Variants in MAP6 observed in about 807,000 individuals in gnomAD.
MAP6 encodes microtubule associated protein 6.
MAP6 carries 26 observed loss-of-function variants against 42.4 expected under a neutral mutation model. The ratio of observed to expected loss-of-function variants is 0.61; its 90% CI spans 0.45 to 0.85. The LOEUF is 0.85. Among genes scored for constraint, MAP6 ranks in the 40% least tolerant of loss-of-function variants. The probability of loss-of-function intolerance (pLI) is 0.00; values close to 1 mark genes in which losing one functional copy is unlikely to be tolerated. For missense variants in MAP6, 966 were observed against 1,099.0 expected (o/e 0.88, Z 1.71); for synonymous variants, 418 against 443.8 (o/e 0.94, Z 0.73).
chr11:75,601,300 G>A (rs1320382522), intron 3 of MAP6, among the ~76,000 whole-genome samples: 1 of 152,092 alleles, frequency 6.6e-6, no homozygotes, highest in Non-Finnish European at 1.5e-5. Flanking sequence ...CTTCTCGCCT[G>A]TCTTTCTTAC....
chr11:75,658,400 C>T (rs556569415), intron 1 of MAP6, among the ~76,000 whole-genome samples: 2 of 100,388 alleles, frequency 2.0e-5, no homozygotes, highest in East Asian at 2.9e-4. Context: ...TTCTCCACCC[C>T]CCCCGCCCCA....
intron 3 of MAP6, among the ~76,000 whole-genome samples, chr11:75,592,598 T>C (rs1942501139): frequency 1.3e-5 from 2 of 150,688 alleles, no homozygotes; most frequent in Admixed American, 1.3e-4. Flanking sequence ...TGCTATGCCA[T>C]CATCTACCTG....
At chr11:75,607,732 G>A (rs1590763878) in intron 2 of MAP6, 2 of 945,228 alleles carry the variant, frequency 2.1e-6, no homozygotes, top group Non-Finnish European at 2.5e-6. Flanking sequence ...AGCCGGGCAT[G>A]GGGGCCTACA....
chr11:75,600,099 A>G (rs1942640864), intron 3 of MAP6, among the ~76,000 whole-genome samples: 1 of 152,226 alleles, frequency 6.6e-6, no homozygotes, highest in Non-Finnish European at 1.5e-5. Flanking sequence ...AGCTAAGTAT[A>G]TATCTGTCAG....
chr11:75,606,941 A>G (rs762356232), intron 2 of MAP6, among the ~76,000 whole-genome samples: 1 of 151,998 alleles, frequency 6.6e-6, no homozygotes, highest in Non-Finnish European at 1.5e-5. Flanking sequence ...AGTTTCCCTC[A>G]TTTTCCCTCC....
At chr11:75,599,783 C>T (rs929511290) in intron 3 of MAP6, among the ~76,000 whole-genome samples, 2 of 152,200 alleles carry the variant, frequency 1.3e-5, no homozygotes, top group East Asian at 3.9e-4. Flanking sequence ...AGACAGCAGG[C>T]TATGGAGCTG....
chr11:75,662,850 A>G (rs914752731), intron 1 of MAP6, among the ~76,000 whole-genome samples: 8 of 152,164 alleles, frequency 5.3e-5, no homozygotes, highest in African/African-American at 1.9e-4. Context: ...TGTGTAGCCA[A>G]GGTTGAGGAC....
intron 1 of MAP6, among the ~76,000 whole-genome samples, chr11:75,649,268 A>G (rs1418712550): frequency 2.6e-5 from 4 of 152,220 alleles, no homozygotes; most frequent in Non-Finnish European, 5.9e-5. Flanking sequence ...TTTTCTCAAG[A>G]TATGTGATGT....
chr11:75,613,475 C>T (rs903030885), intron 1 of MAP6, among the ~76,000 whole-genome samples: 6 of 152,122 alleles, frequency 3.9e-5, no homozygotes, highest in East Asian at 1.9e-4. Flanking sequence ...GTCCCATATC[C>T]GTGAGTTTCT....
At chr11:75,641,299 T>C (rs1359893478) in intron 1 of MAP6, among the ~76,000 whole-genome samples, 12 of 120,684 alleles carry the variant, frequency 9.9e-5, no homozygotes, top group African/African-American at 3.9e-4. Context: ...ACACATGGAC[T>C]CAGGAAGGGG....
intron 2 of MAP6, chr11:75,607,784 A>G (rs1942807340): frequency 3.9e-6 from 2 of 518,666 alleles, no homozygotes; most frequent in South Asian, 1.7e-4. Context: ...CATCTATTTT[A>G]AGACAAGGGG....
rs777197672 is a variant in MAP6, at chr11:75,587,062, A to G, written c.2439T>C (p.Pro813=). Residue 813 remains proline (P), a synonymous_variant, in exon 4 of 4, where the codon CCT becomes CCC. Transcript: ENST00000304771. ...TTGGTGTGTCAAGGGGTGAGTGTCA[A>G]GGGGAGCTCTCAATGTATTCCGTAT... ...APHTEYIESS[P] 6.3e-7 allele frequency: 1 copy of G among 1,579,854 alleles called. No individual in the cohort carries two copies. Among genetic ancestry groups the G allele is most frequent in the Non-Finnish European group, 8.6e-7 (1 of 1,161,142 alleles).
chr11:75,642,095 C>T (rs373380456), intron 1 of MAP6, among the ~76,000 whole-genome samples: 120 of 152,346 alleles, frequency 7.9e-4, no homozygotes, highest in African/African-American at 2.9e-3. Context: ...TCTTTTAGCA[C>T]ATTTACTATT....
intron 1 of MAP6, among the ~76,000 whole-genome samples, chr11:75,665,131 G>A (rs147989256): frequency 1.3e-5 from 2 of 152,238 alleles, no homozygotes; most frequent in African/African-American, 2.4e-5. Flanking sequence ...GAATTGATAG[G>A]TGCTAAAAAT....
intron 3 of MAP6, chr11:75,603,931 AAATC>A: frequency 3.0e-6 from 3 of 985,674 alleles, no homozygotes; most frequent in Non-Finnish European, 3.6e-6. Flanking sequence ...ATACATTGGC[AAATC>A]CTCTGGATAC....
chr11:75,619,662 C>G (rs188184659), intron 1 of MAP6, among the ~76,000 whole-genome samples: 1 of 152,200 alleles, frequency 6.6e-6, no homozygotes, highest in Non-Finnish European at 1.5e-5. Context: ...CCAGCTCCAT[C>G]CATGTCCCTG....
intron 1 of MAP6, among the ~76,000 whole-genome samples, chr11:75,657,959 A>G (rs77296073): frequency 0.036 from 5,544 of 152,308 alleles, 131 homozygotes; most frequent in South Asian, 0.057. Context: ...AAGATAACAT[A>G]TTCACAAATT....
At position 75,588,963 on chromosome 11, in the gene MAP6, G is replaced by T. The variant is rs560666181; in HGVS notation, c.1317-779C>A. Among the ~76,000 whole-genome samples, 12 of 152,228 alleles carry T rather than the reference G, an allele frequency of 7.9e-5. No individual in the cohort carries two copies. In the East Asian group the frequency reaches 2.3e-3, roughly 29 times the overall value. On this transcript the variant is annotated intron_variant, in intron 3 of 3. Coordinates refer to ENST00000304771, the MANE Select transcript of MAP6 (RefSeq NM_033063.2). ...CTCCTGAATAGCTGGACTACAGGCA[G>T]CTTTTAGCTTTATTGCTTTAAATTC... is the stretch of plus-strand genomic sequence containing the variant.
chr11:75,609,530 TG>T (rs1406691918), intron 1 of MAP6, among the ~76,000 whole-genome samples: 3 of 152,260 alleles, frequency 2.0e-5, no homozygotes, highest in African/African-American at 7.2e-5. Flanking sequence ...GTGCTAGCAC[TG>T]CCTTATGCTG....
Sources: allele counts gnomAD v4.1 joint callset (sites outside exome capture counted in the v4.1 genomes callset), GRCh38; gene constraint gnomAD v4.1.1; transcripts MANE v1.5; gene names NCBI Gene and HGNC (gene_info 2026-07-23, HGNC 2026-07-21).